The following AGBL4 variants were observed in gnomAD, a reference collection of about 807,000 sequenced individuals.
AGBL4 encodes cytosolic carboxypeptidase 6.
Under a neutral mutation model 66.4 loss-of-function variants are expected in AGBL4, and 58 were observed. The ratio of observed to expected loss-of-function variants is 0.87; its 90% confidence interval spans 0.71 to 1.09. AGBL4 has a LOEUF of 1.09. Ranked by LOEUF, AGBL4 falls within the 50% of genes least tolerant of loss-of-function variation. AGBL4 has a pLI of 0.00. For missense variants in AGBL4, 579 were observed against 631.0 expected (o/e 0.92, Z 0.88); for synonymous variants, 234 against 222.9 (o/e 1.05, Z -0.44).
chr1:49,691,630 T>C (rs949216197), intron 3 of AGBL4: 1 of 152,178 alleles, frequency 6.6e-6, no homozygotes, highest in African/African-American at 2.4e-5. Context: ...ATCAACCTGA[T>C]TGGATTGAAG....
At chr1:49,555,756 C>T (rs1273585663) in intron 3 of AGBL4, among the ~76,000 whole-genome samples, 1 of 151,492 alleles carries the variant, frequency 6.6e-6, no homozygotes, top group African/African-American at 2.4e-5. Flanking sequence ...GACATTTATG[C>T]AGCCAACAGA....
chr1:49,827,365 A>C (rs1328591246), intron 2 of AGBL4, among the ~76,000 whole-genome samples: 5 of 152,186 alleles, frequency 3.3e-5, no homozygotes, highest in African/African-American at 1.2e-4. Flanking sequence ...TGACTCTAGA[A>C]TGACTAGAAA....
intron 6 of AGBL4, among the ~76,000 whole-genome samples, chr1:48,664,957 G>A (rs1646162645): frequency 6.6e-6 from 1 of 152,190 alleles, no homozygotes; most frequent in African/African-American, 2.4e-5. Flanking sequence ...ATAATTAATA[G>A]GATTTCTCCT....
intron 4 of AGBL4, among the ~76,000 whole-genome samples, chr1:49,098,207 A>T (rs1363486885): frequency 6.6e-6 from 1 of 152,254 alleles, no homozygotes; most frequent in Non-Finnish European, 1.5e-5. Flanking sequence ...AGAAATAAAC[A>T]TGATATGTAA....
At chr1:48,663,507 T>C (rs1046714485) in intron 6 of AGBL4, among the ~76,000 whole-genome samples, 1 of 152,236 alleles carries the variant, frequency 6.6e-6, no homozygotes, top group African/African-American at 2.4e-5. Context: ...GGAAGCCATA[T>C]GAGTGAATTT....
At chr1:49,439,212 G>A (rs1280113746) in intron 3 of AGBL4, among the ~76,000 whole-genome samples, 1 of 152,134 alleles carries the variant, frequency 6.6e-6, no homozygotes, top group Non-Finnish European at 1.5e-5. Context: ...AGCAAGGAAA[G>A]GCCAAGTGAA....
At chr1:48,660,078 A>G (rs879659249) in intron 7 of AGBL4, among the ~76,000 whole-genome samples, 3 of 152,226 alleles carry the variant, frequency 2.0e-5, no homozygotes, top group Non-Finnish European at 4.4e-5. Flanking sequence ...GGCTGGCCAC[A>G]GGGCCACACA....
chr1:48,879,983 A>C (rs898963715), intron 5 of AGBL4, among the ~76,000 whole-genome samples: 1 of 152,180 alleles, frequency 6.6e-6, no homozygotes, highest in Non-Finnish European at 1.5e-5. Flanking sequence ...AAATGTTCAT[A>C]GGTTATTGGG....
intron 11 of AGBL4, among the ~76,000 whole-genome samples, chr1:48,581,388 C>G (rs915906807): frequency 1.3e-5 from 2 of 152,206 alleles, no homozygotes; most frequent in African/African-American, 4.8e-5. Flanking sequence ...TCCACAGCTA[C>G]AAGCCTGGGT....
intron 3 of AGBL4, among the ~76,000 whole-genome samples, chr1:49,339,367 T>G (rs971762426): frequency 3.9e-5 from 6 of 152,210 alleles, no homozygotes; most frequent in Non-Finnish European, 2.9e-5. Context: ...GAGTGTGCCC[T>G]ATACAATGAG....
intron 6 of AGBL4, among the ~76,000 whole-genome samples, chr1:48,849,790 TG>T (rs1237911654): frequency 6.6e-6 from 1 of 152,140 alleles, no homozygotes; most frequent in African/African-American, 2.4e-5. Flanking sequence ...CTGGCCAACA[TG>T]GTGAAACCCT....
In AGBL4 at chr1:48,759,476, G is replaced by C; in HGVS notation, c.635-96235C>G. On this transcript the variant is annotated intron_variant, in intron 6 of 13. Coordinates refer to ENST00000371839, the MANE Select transcript of AGBL4 (RefSeq NM_032785.4). ...AAACATTTTATAAATTTTATAAATG[G>C]GGTTCCGAGTGGGGAAGGGGCTTGC... 5.2e-6 allele frequency: 6 copies of C among 1,155,846 alleles called. No homozygotes were observed. The South Asian group carries it at 6.7e-5, about 13-fold the overall frequency. The allele number at this position is 1,155,846 out of a possible 1,614,324, so 71.6% of individuals were successfully genotyped here. A position where few individuals can be genotyped will look rare whatever the true frequency, so the allele number is the denominator to read the frequency against.
intron 6 of AGBL4, among the ~76,000 whole-genome samples, chr1:48,792,366 T>C (rs1645571740): frequency 6.6e-6 from 1 of 152,182 alleles, no homozygotes; most frequent in African/African-American, 2.4e-5. Context: ...AATAAATTCA[T>C]GTTGTTTTAA....
intron 3 of AGBL4, among the ~76,000 whole-genome samples, chr1:49,685,789 G>A (rs1035565509): frequency 6.6e-6 from 1 of 152,064 alleles, no homozygotes; most frequent in Non-Finnish European, 1.5e-5. Context: ...ATAGATTCTG[G>A]AATTTAGACC....
At position 49,489,445 on chromosome 1, in the gene AGBL4, G is replaced by A. The variant is rs770627711; in HGVS notation, c.282+207868C>T. 2.6e-5 allele frequency among the ~76,000 whole-genome samples: 4 copies of A among 151,786 alleles called. 1 individual carries two copies. The highest frequency in any genetic ancestry group is 4.4e-5 in the Non-Finnish European group (3 of 67,896). On this transcript the variant is annotated intron_variant, in intron 3 of 13. Coordinates refer to ENST00000371839, the MANE Select transcript of AGBL4 (RefSeq NM_032785.4). ...TATTCTGGTTATTAATCCCCTGTCA[G>A]ATGAATAGTTTGCACATATTTTCTC... is the stretch of plus-strand genomic sequence containing the variant.
At chr1:49,973,203 C>A (rs532140165) in intron 1 of AGBL4, among the ~76,000 whole-genome samples, 1 of 152,160 alleles carries the variant, frequency 6.6e-6, no homozygotes, top group Non-Finnish European at 1.5e-5. Flanking sequence ...CTTACTCACC[C>A]CTTGCCTGCA....
chr1:49,301,068 C>T (rs1570381152), intron 3 of AGBL4, among the ~76,000 whole-genome samples: 2 of 152,266 alleles, frequency 1.3e-5, no homozygotes. Context: ...ATAATATGTG[C>T]TAACATAATG....
chr1:49,808,802 T>C (rs904252915), intron 2 of AGBL4, among the ~76,000 whole-genome samples: 3 of 152,138 alleles, frequency 2.0e-5, no homozygotes, highest in Non-Finnish European at 2.9e-5. Flanking sequence ...TGGGTATGAT[T>C]CAAGTTAGCA....
At chr1:48,828,375 C>T (rs1220875252) in intron 6 of AGBL4, among the ~76,000 whole-genome samples, 2 of 152,078 alleles carry the variant, frequency 1.3e-5, no homozygotes, top group African/African-American at 2.4e-5. Flanking sequence ...TGCCAAGGCT[C>T]TATCTTTTGC....
Sources: allele counts gnomAD v4.1 joint callset (sites outside exome capture counted in the v4.1 genomes callset), GRCh38; gene constraint gnomAD v4.1.1; transcripts MANE v1.5; gene names NCBI Gene and HGNC (gene_info 2026-07-23, HGNC 2026-07-21).